Variants in PPP1R9A observed in about 807,000 individuals in gnomAD.
The protein encoded by PPP1R9A is protein phosphatase 1 regulatory subunit 9A.
PPP1R9A carries 59 observed loss-of-function variants against 141.9 expected under a neutral mutation model. The ratio of observed to expected loss-of-function variants is 0.42; its 90% CI spans 0.34 to 0.52. The LOEUF (loss-of-function observed/expected upper bound fraction) is 0.52, where lower values mean the gene tolerates loss of function less well. Ranked by LOEUF, PPP1R9A falls within the 20% of genes least tolerant of loss-of-function variation. The pLI is 0.10. For missense variants in PPP1R9A, 1,444 were observed against 1,611.9 expected, an observed-to-expected ratio of 0.90 and a Z score of 1.78; for synonymous variants, 500 against 569.7, an observed-to-expected ratio of 0.88 and a Z score of 1.74.
chr7:95,207,129 G>C (rs1198209568), intron 7 of PPP1R9A, among the ~76,000 whole-genome samples: 2 of 151,540 alleles, frequency 1.3e-5, no homozygotes, highest in Non-Finnish European at 2.9e-5. Flanking sequence ...AAAGTTTCGA[G>C]AAATATGAGT....
chr7:95,177,917 C>T (rs1032390995), intron 5 of PPP1R9A, among the ~76,000 whole-genome samples: 1 of 152,036 alleles, frequency 6.6e-6, no homozygotes, highest in Admixed American at 6.6e-5. Flanking sequence ...ATGAGATAGA[C>T]AACAACACAG....
At position 94,937,985 on chromosome 7, in the gene PPP1R9A, G is replaced by A. The variant is rs1794942517; in HGVS notation, c.1395+26477G>A. Among the ~76,000 whole-genome samples the A allele has an allele frequency of 3.3e-5, 5 of 152,162 alleles. No homozygotes were observed. In the South Asian group the frequency reaches 8.3e-4, roughly 25 times the overall value. On this transcript the variant is annotated intron_variant, in intron 2 of 19. Coordinates refer to ENST00000433360, the MANE Select transcript of PPP1R9A (RefSeq NM_001166160.2). The stretch of plus-strand genomic sequence containing the variant: ...GTACCATCAGAGTTTTCAATCTTGA[G>A]GGGAGCTGGGCTGACAACATATTCA...
chr7:95,245,244 G>A (rs1454408692), intron 8 of PPP1R9A, among the ~76,000 whole-genome samples: 1 of 152,076 alleles, frequency 6.6e-6, no homozygotes, highest in Non-Finnish European at 1.5e-5. Context: ...ATACTGGTGG[G>A]GGAGATTAGC....
At chr7:95,058,475 A>C (rs188979390) in intron 2 of PPP1R9A, among the ~76,000 whole-genome samples, 18 of 152,292 alleles carry the variant, frequency 1.2e-4, no homozygotes, top group African/African-American at 3.8e-4. Context: ...AGAAGAGAAG[A>C]GGGCTGTGGA....
chr7:94,973,232 G>C (rs1799057522), intron 2 of PPP1R9A, among the ~76,000 whole-genome samples: 1 of 152,070 alleles, frequency 6.6e-6, no homozygotes, highest in African/African-American at 2.4e-5. Context: ...TTATATTTTG[G>C]TTATTGTTTA....
chr7:95,293,396 T>C lies in PPP1R9A; in HGVS notation c.*3093T>C, dbSNP rs1220359706. 6.6e-6 allele frequency: 1 copy of C among 152,188 alleles called. No homozygotes were observed. Among genetic ancestry groups the C allele is most frequent in the Non-Finnish European group, 1.5e-5 (1 of 68,034 alleles). 9.4% of individuals were successfully genotyped at this position (152,188 alleles called of 1,614,324 possible). ...CTGATGAAGTCCCCCTTTAGTTTCA[T>C]GACAATAAAGCTGTTCTGTGGCTAT... On this transcript the variant is annotated 3_prime_UTR_variant, in exon 20 of 20. Coordinates refer to ENST00000433360, the MANE Select transcript of PPP1R9A (RefSeq NM_001166160.2).
intron 2 of PPP1R9A, among the ~76,000 whole-genome samples, chr7:94,963,658 A>C (rs1439579157): frequency 6.6e-6 from 1 of 152,186 alleles, no homozygotes; most frequent in Non-Finnish European, 1.5e-5. Context: ...TTGCATGGAT[A>C]TACATGTTGA....
intron 12 of PPP1R9A, among the ~76,000 whole-genome samples, chr7:95,262,991 C>A (rs1024771075): frequency 1.3e-5 from 2 of 152,106 alleles, no homozygotes; most frequent in African/African-American, 4.8e-5. Context: ...AAGCCATAGA[C>A]CTTAGGCCAA....
At chr7:95,273,806 G>T in intron 14 of PPP1R9A, 93 bp from the exon 15 acceptor site, 1 of 1,174,918 alleles carries the variant, frequency 8.5e-7, no homozygotes, top group Non-Finnish European at 1.2e-6. Context: ...AGGAATTTAG[G>T]CAAAGCCCTT....
At chr7:95,017,902 A>G (rs1032232249) in intron 2 of PPP1R9A, among the ~76,000 whole-genome samples, 5 of 152,188 alleles carry the variant, frequency 3.3e-5, no homozygotes, top group African/African-American at 1.2e-4. Context: ...GTTCTAGACT[A>G]TCTTTCCAAA....
intron 2 of PPP1R9A, among the ~76,000 whole-genome samples, chr7:94,973,524 T>C (rs1042613871): frequency 2.0e-5 from 3 of 152,006 alleles, no homozygotes; most frequent in Admixed American, 6.6e-5. Context: ...AAAATGAATA[T>C]AGTAAGTGAG....
chr7:94,914,504 A>G (rs1465089607), intron 2 of PPP1R9A, among the ~76,000 whole-genome samples: 1 of 152,200 alleles, frequency 6.6e-6, no homozygotes, highest in African/African-American at 2.4e-5. Context: ...TATCTTTCAC[A>G]GACAGTTATT....
At chr7:95,047,806 G>A (rs1810237296) in intron 2 of PPP1R9A, among the ~76,000 whole-genome samples, 1 of 152,208 alleles carries the variant, frequency 6.6e-6, no homozygotes, top group Non-Finnish European at 1.5e-5. Flanking sequence ...TTTTCTATTA[G>A]GCCTTTGCAG....
intron 12 of PPP1R9A, among the ~76,000 whole-genome samples, chr7:95,265,310 G>T (rs1801117126): frequency 6.6e-6 from 1 of 152,186 alleles, no homozygotes; most frequent in Admixed American, 6.5e-5. Flanking sequence ...GGCTTCTGAA[G>T]CCTGAGCTCT....
At chr7:95,179,745 AAATCAAGAACT>A (rs1833441546) in intron 5 of PPP1R9A, among the ~76,000 whole-genome samples, 1 of 149,910 alleles carries the variant, frequency 6.7e-6, no homozygotes, top group Non-Finnish European at 1.5e-5. Flanking sequence ...GTGGAGTATC[AAATCAAGAACT>A]CAACCCCTTT....
chr7:95,201,519 C>A (rs1267958014), intron 6 of PPP1R9A, among the ~76,000 whole-genome samples: 3 of 152,058 alleles, frequency 2.0e-5, no homozygotes, highest in Non-Finnish European at 4.4e-5. Context: ...GATTCAAATT[C>A]TTTTTTCTAA....
chr7:95,273,956 GA>G lies in PPP1R9A; in HGVS notation c.3187del (p.Ile1063LeufsTer95), dbSNP rs746023194. 6.6e-7 allele frequency: 1 copy of G among 1,504,938 alleles called. No individual in the cohort carries two copies. Among genetic ancestry groups the G allele is most frequent in the East Asian group, 2.3e-5 (1 of 44,342 alleles). 93.2% of individuals were successfully genotyped at this position (1,504,938 alleles called of 1,614,324 possible). On this transcript the variant is annotated frameshift_variant, in exon 15 of 20. Coordinates refer to ENST00000433360, the MANE Select transcript of PPP1R9A (RefSeq NM_001166160.2). LOFTEE classifies it high-confidence loss of function. ...TCCAGTTCATTGGCGGTGCAAGGAG[GA>G]AAAATTAAGCGGAAGTTTGTGGATC... is the stretch of plus-strand genomic sequence containing the variant. The part of the protein sequence containing the change: ...RASSSLAVQG[G>X]KIKRKFVDLG...
At chr7:95,018,260 C>G (rs1805395807) in intron 2 of PPP1R9A, 1 of 230,780 alleles carries the variant, frequency 4.3e-6, no homozygotes, top group African/African-American at 2.3e-5. Flanking sequence ...CCCATTCATT[C>G]AGTAACCCTT....
chr7:95,224,457 G>C (rs950110770), intron 7 of PPP1R9A, among the ~76,000 whole-genome samples: 1 of 152,116 alleles, frequency 6.6e-6, no homozygotes, highest in African/African-American at 2.4e-5. Context: ...GTTCATCATG[G>C]TTGATGACCT....
Sources: allele counts gnomAD v4.1 joint callset (sites outside exome capture counted in the v4.1 genomes callset), GRCh38; gene constraint gnomAD v4.1.1; transcripts MANE v1.5; gene names NCBI Gene and HGNC (gene_info 2026-07-23, HGNC 2026-07-21).